PLEKHA5: variants seen among roughly 807,000 people sequenced by gnomAD.
PLEKHA5 encodes the protein pleckstrin homology domain containing A5.
PLEKHA5 carries 55 observed loss-of-function variants against 181.9 expected under a neutral mutation model. That is an observed-to-expected ratio of 0.30 (90% confidence interval 0.24 to 0.38). The LOEUF is 0.38. Ranked by LOEUF, PLEKHA5 falls within the 10% of genes least tolerant of loss-of-function variation. PLEKHA5 has a pLI of 1.00. For synonymous variants in PLEKHA5, 535 were observed against 529.4 expected (o/e 1.01, Z -0.15); for missense variants, 1,432 against 1,549.5 (o/e 0.92, Z 1.27).
intron 15 of PLEKHA5, among the ~76,000 whole-genome samples, chr12:19,308,683 A>T (rs1464678052): frequency 6.6e-6 from 1 of 152,146 alleles, no homozygotes; most frequent in South Asian, 2.1e-4. Context: ...CTCCAACATG[A>T]TGGATCTCCT....
At chr12:19,277,007 A>C (rs899983143) in intron 11 of PLEKHA5, among the ~76,000 whole-genome samples, 1 of 152,220 alleles carries the variant, frequency 6.6e-6, no homozygotes, top group African/African-American at 2.4e-5. Flanking sequence ...CCAAAATCAT[A>C]AATAAAAGAA....
At position 19,359,408 on chromosome 12, in the gene PLEKHA5, G is replaced by A; in HGVS notation, c.3349-4G>A. Reference sequence around the variant, plus strand: ...TATAAAAATGCTATATGTCTTTTGAGCAGACTCGAAGGAGGGATGATAAGG... The same window carrying A: ...TATAAAAATGCTATATGTCTTTTGAACAGACTCGAAGGAGGGATGATAAGG... On this transcript the variant is annotated splice_polypyrimidine_tract_variant and splice_region_variant and intron_variant, in intron 27 of 31. Transcript: ENST00000429027. The A allele has an allele frequency of 1.9e-6, 3 of 1,612,462 alleles. No individual in the cohort carries two copies. The highest frequency in any genetic ancestry group is 2.5e-6 in the Non-Finnish European group (3 of 1,178,872).
At chr12:19,209,979 G>A (rs567684969) in intron 3 of PLEKHA5, among the ~76,000 whole-genome samples, 6 of 152,104 alleles carry the variant, frequency 3.9e-5, no homozygotes, top group Non-Finnish European at 7.4e-5. Flanking sequence ...GGGAAGTCAT[G>A]GGGCATACAT....
At position 19,302,794 on chromosome 12, in the gene PLEKHA5, CAT is replaced by C. The variant is rs542548455; in HGVS notation, c.2037+11098_2037+11099del. Reference sequence around the variant, plus strand: ...AGTTACATATATATATAAGTAAAAACATGTCCTCAGTCATGCTAGCCCCATTT... The same window carrying C: ...AGTTACATATATATATAAGTAAAAACGTCCTCAGTCATGCTAGCCCCATTT... On this transcript the variant is annotated intron_variant, in intron 15 of 31. Transcript: ENST00000429027. 5.1e-4 allele frequency among the ~76,000 whole-genome samples: 77 copies of C among 150,486 alleles called. 1 individual carries two copies. In the South Asian group the frequency reaches 0.016, roughly 32 times the overall value.
At position 19,363,385 on chromosome 12, in the gene PLEKHA5, G is replaced by T. The variant is rs540961604; in HGVS notation, c.3608+1679G>T. Among the ~76,000 whole-genome samples the T allele has an allele frequency of 2.7e-3, 411 of 151,616 alleles. 2 individuals are homozygous for T. The highest frequency in any genetic ancestry group is 9.4e-3 in the African/African-American group (389 of 41,344). On this transcript the variant is annotated intron_variant, in intron 29 of 31. Coordinates refer to ENST00000429027, the MANE Select transcript of PLEKHA5 (RefSeq NM_001256470.2). The stretch of plus-strand genomic sequence containing the variant: ...GGGTTTCACCGTGTTAGCCAGGATG[G>T]TCTCGATCTCCTGACTCATGATCAG...
At chr12:19,170,694 A>G (rs940976141) in intron 3 of PLEKHA5, among the ~76,000 whole-genome samples, 2 of 152,354 alleles carry the variant, frequency 1.3e-5, no homozygotes, top group African/African-American at 4.8e-5. Context: ...TTGGGATTAC[A>G]GGCGTGAGCC....
chr12:19,252,985 C>G (rs2065753014), intron 3 of PLEKHA5, among the ~76,000 whole-genome samples: 2 of 150,410 alleles, frequency 1.3e-5, no homozygotes, highest in Non-Finnish European at 3.0e-5. Context: ...TTTTCATGAC[C>G]CACCTATGAA....
chr12:19,344,526 C>T (rs1243783806), intron 22 of PLEKHA5, among the ~76,000 whole-genome samples: 2 of 152,088 alleles, frequency 1.3e-5, no homozygotes, highest in East Asian at 3.9e-4. Context: ...TTTATGAATG[C>T]TGTCATAAGC....
chr12:19,174,130 AATTTT>A (rs1162100395), intron 3 of PLEKHA5, among the ~76,000 whole-genome samples: 11 of 152,232 alleles, frequency 7.2e-5, no homozygotes, highest in African/African-American at 2.4e-4. Context: ...CTACAAATCT[AATTTT>A]ATTTTAAGAT....
At chr12:19,239,241 T>G (rs58191485) in intron 3 of PLEKHA5, among the ~76,000 whole-genome samples, 12,895 of 152,190 alleles carry the variant, frequency 0.085, 788 homozygotes, top group African/African-American at 0.17. Context: ...ACCTGCTAGT[T>G]AACTAGCCTG....
intron 21 of PLEKHA5, among the ~76,000 whole-genome samples, chr12:19,338,777 G>C (rs956245886): frequency 6.6e-6 from 1 of 151,384 alleles, no homozygotes; most frequent in Admixed American, 6.6e-5. Flanking sequence ...CCAGCTACTC[G>C]GGAGGCTGTG....
At chr12:19,235,836 A>G (rs1285649598) in intron 3 of PLEKHA5, among the ~76,000 whole-genome samples, 2 of 152,208 alleles carry the variant, frequency 1.3e-5, no homozygotes, top group African/African-American at 4.8e-5. Context: ...AAGAAAAATA[A>G]TTGTCAGTAT....
chr12:19,300,330 A>G (rs2081125115), intron 15 of PLEKHA5, among the ~76,000 whole-genome samples: 1 of 152,202 alleles, frequency 6.6e-6, no homozygotes, highest in Non-Finnish European at 1.5e-5. Context: ...GCTTCTAGCT[A>G]TGGCTCTAAC....
chr12:19,254,136 A>G (rs1370018416), intron 4 of PLEKHA5, 113 bp downstream of exon 4: 6 of 695,706 alleles, frequency 8.6e-6, no homozygotes, highest in South Asian at 5.4e-5. Context: ...GTAGTCAAGT[A>G]TAATAACAGA....
intron 3 of PLEKHA5, among the ~76,000 whole-genome samples, chr12:19,242,143 T>C (rs190163979): frequency 6.6e-6 from 1 of 152,370 alleles, no homozygotes; most frequent in African/African-American, 2.4e-5. Context: ...ACATTTTAAC[T>C]AGCATGGTGT....
chr12:19,362,553 A>AG (rs2095285799), intron 29 of PLEKHA5, among the ~76,000 whole-genome samples: 1 of 151,154 alleles, frequency 6.6e-6, no homozygotes, highest in Non-Finnish European at 1.5e-5. Flanking sequence ...GGAAAAAAAA[A>AG]GAAAATACAT....
At chr12:19,228,465 G>A (rs2059992793) in intron 3 of PLEKHA5, among the ~76,000 whole-genome samples, 1 of 151,954 alleles carries the variant, frequency 6.6e-6, no homozygotes, top group Admixed American at 6.6e-5. Flanking sequence ...ATGTCTTTTA[G>A]AACAATAGCT....
intron 15 of PLEKHA5, among the ~76,000 whole-genome samples, chr12:19,302,050 T>TA (rs1251241136): frequency 1.3e-5 from 2 of 152,192 alleles, no homozygotes; most frequent in Non-Finnish European, 2.9e-5. Flanking sequence ...CTGCACATCT[T>TA]AAGAGCTTAT....
In PLEKHA5 at chr12:19,167,325, G is replaced by T. The variant is rs376656934; in HGVS notation, c.227+34875G>T. On this transcript the variant is annotated intron_variant, in intron 3 of 31. Transcript: ENST00000429027. ...AGATGCAATCGCTTGTTTGATTTAGGAACCTATGCAGGAAGAGGCCTTGAT... is the reference window on the plus strand; with the variant it reads ...AGATGCAATCGCTTGTTTGATTTAGTAACCTATGCAGGAAGAGGCCTTGAT... Among the ~76,000 whole-genome samples, 52 of 151,064 alleles carry T rather than the reference G, an allele frequency of 3.4e-4. 1 individual carries two copies. The South Asian group carries it at 9.7e-3, about 28-fold the overall frequency.
Sources: allele counts gnomAD v4.1 joint callset (sites outside exome capture counted in the v4.1 genomes callset), GRCh38; gene constraint gnomAD v4.1.1; transcripts MANE v1.5; gene names NCBI Gene and HGNC (gene_info 2026-07-23, HGNC 2026-07-21).